PALMD: variants seen among roughly 807,000 people sequenced by gnomAD.
PALMD encodes paralemmin-like protein.
A neutral mutation model predicts 56.2 loss-of-function variants in PALMD; 42 were observed. That is an observed-to-expected ratio of 0.75 (90% CI 0.58 to 0.97). The LOEUF (loss-of-function observed/expected upper bound fraction) is 0.97. Among genes scored for constraint, PALMD ranks in the 50% least tolerant of loss-of-function variants. The pLI is 0.00. For missense variants in PALMD, 660 were observed against 643.8 expected (o/e 1.03, Z -0.27); for synonymous variants, 242 against 222.9 (o/e 1.09, Z -0.76).
intron 3 of PALMD, among the ~76,000 whole-genome samples, chr1:99,681,605 G>T (rs577722104): frequency 2.0e-5 from 3 of 152,052 alleles, no homozygotes; most frequent in Admixed American, 2.0e-4. Context: ...TACCTATCAA[G>T]AACTTACACT....
At chr1:99,663,449 C>CAAGTTGT (rs1652898433) in intron 2 of PALMD, among the ~76,000 whole-genome samples, 1 of 151,944 alleles carries the variant, frequency 6.6e-6, no homozygotes, top group African/African-American at 2.4e-5. Context: ...AAAAAAGTTC[C>CAAGTTGT]AAGTTGTTCC....
chr1:99,671,437 G>T (rs1571067492), intron 3 of PALMD, among the ~76,000 whole-genome samples: 1 of 152,256 alleles, frequency 6.6e-6, no homozygotes, highest in East Asian at 1.9e-4. Flanking sequence ...CCACTTCACA[G>T]GACTGCTGTG....
intron 2 of PALMD, among the ~76,000 whole-genome samples, chr1:99,665,095 C>A (rs560676969): frequency 6.6e-6 from 1 of 152,082 alleles, no homozygotes; most frequent in Admixed American, 6.6e-5. Context: ...CCAGGAAACA[C>A]AAAATACAGT....
intron 1 of PALMD, among the ~76,000 whole-genome samples, chr1:99,650,023 A>G (rs1571056988): frequency 6.6e-6 from 1 of 152,134 alleles, no homozygotes; most frequent in Non-Finnish European, 1.5e-5. Context: ...GAAGTGAAAT[A>G]AGGGGAGTCT....
At chr1:99,660,789 G>A (rs1652829929) in intron 1 of PALMD, among the ~76,000 whole-genome samples, 1 of 152,196 alleles carries the variant, frequency 6.6e-6, no homozygotes, top group African/African-American at 2.4e-5. Context: ...AGGAAGCTAA[G>A]GCAGGAGGAT....
Position 99,688,756 on chromosome 1 carries a change from C to T in PALMD, c.515-19C>T, listed in dbSNP as rs368703189. 1.1e-5 allele frequency: 17 copies of T among 1,519,144 alleles called. No individual in the cohort carries two copies. Among genetic ancestry groups the T allele is most frequent in the Non-Finnish European group, 1.1e-5 (12 of 1,127,486 alleles). The allele number at this position is 1,519,144 out of a possible 1,614,324, so 94.1% of individuals were successfully genotyped here. On this transcript the variant is annotated intron_variant, in intron 6 of 7. Coordinates refer to ENST00000263174, the MANE Select transcript of PALMD (RefSeq NM_017734.5). ...AAGAAAAGTTAACTAAATCAAAGAT[C>T]AAATTTGTTTCTTAACAGCTTTATA...
intron 2 of PALMD, among the ~76,000 whole-genome samples, chr1:99,666,243 G>GT (rs3835489): frequency 8.2e-4 from 120 of 147,150 alleles, no homozygotes; most frequent in African/African-American, 1.7e-3. Flanking sequence ...TGTTATATTG[G>GT]TTTTTTTTTT....
chr1:99,683,028 G>GA (rs560726175), intron 3 of PALMD, among the ~76,000 whole-genome samples: 26 of 11,464 alleles, frequency 2.3e-3, no homozygotes, highest in Non-Finnish European at 3.1e-3. Flanking sequence ...AGGAAAGAAA[G>GA]AAAGAAAGAA....
At chr1:99,677,577 A>G (rs1306964475) in intron 3 of PALMD, among the ~76,000 whole-genome samples, 1 of 152,184 alleles carries the variant, frequency 6.6e-6, no homozygotes, top group Non-Finnish European at 1.5e-5. Context: ...GGAAGGGAAG[A>G]TAAATGGAGG....
intron 1 of PALMD, among the ~76,000 whole-genome samples, chr1:99,653,411 G>GA (rs532852358): frequency 1.3e-5 from 2 of 151,838 alleles, no homozygotes; most frequent in Non-Finnish European, 2.9e-5. Context: ...GTAGACAAAG[G>GA]AAAAAAAGAG....
chr1:99,679,548 A>G (rs895559793), intron 3 of PALMD, among the ~76,000 whole-genome samples: 8 of 152,196 alleles, frequency 5.3e-5, no homozygotes, highest in Admixed American at 1.3e-4. Flanking sequence ...AACCCTAACG[A>G]AGATTAGGAC....
intron 1 of PALMD, among the ~76,000 whole-genome samples, chr1:99,648,631 C>T (rs1652495093): frequency 6.6e-6 from 1 of 151,614 alleles, no homozygotes; most frequent in Non-Finnish European, 1.5e-5. Context: ...TGCACCCAGA[C>T]ATAGCAACAC....
chr1:99,687,442 C>A (rs1024876862), intron 6 of PALMD, among the ~76,000 whole-genome samples: 7 of 152,110 alleles, frequency 4.6e-5, no homozygotes, highest in Non-Finnish European at 7.4e-5. Flanking sequence ...AGACAAGAAG[C>A]TCTTAAAAGC....
intron 1 of PALMD, among the ~76,000 whole-genome samples, chr1:99,657,936 T>C (rs1481183174): frequency 6.6e-6 from 1 of 152,222 alleles, no homozygotes; most frequent in Non-Finnish European, 1.5e-5. Flanking sequence ...GAACAACCTC[T>C]CCCTGTCTCC....
chr1:99,659,074 C>A (rs1282706297), intron 1 of PALMD, among the ~76,000 whole-genome samples: 1 of 152,046 alleles, frequency 6.6e-6, no homozygotes, highest in African/African-American at 2.4e-5. Flanking sequence ...AATAATCAAA[C>A]AACTCAGGAT....
intron 1 of PALMD, among the ~76,000 whole-genome samples, chr1:99,649,838 G>T (rs542668341): frequency 6.6e-6 from 1 of 152,162 alleles, no homozygotes; most frequent in African/African-American, 2.4e-5. Context: ...CAATTTCAGA[G>T]AACAGACTCA....
In PALMD at chr1:99,694,018, G is replaced by T; in HGVS notation, c.1613-1G>T. 6.3e-7 allele frequency: 1 copy of T among 1,597,138 alleles called. No homozygotes were observed. The highest frequency in any genetic ancestry group is 8.6e-7 in the Non-Finnish European group (1 of 1,168,424). The stretch of plus-strand genomic sequence containing the variant: ...TCTCTTTTTTTTTCTTTAATTTGCA[G>T]CTTTAAGGATGAGAATGGCAAAGCT... On this transcript the variant is annotated splice_acceptor_variant, in intron 7 of 7. Transcript: ENST00000263174. LOFTEE classifies it high-confidence loss of function.
intron 1 of PALMD, among the ~76,000 whole-genome samples, chr1:99,653,349 T>A (rs757572397): frequency 5.9e-5 from 9 of 152,192 alleles, no homozygotes; most frequent in Non-Finnish European, 7.3e-5. Flanking sequence ...GTTTGTTGTT[T>A]AGCCTGGTTT....
intron 1 of PALMD, among the ~76,000 whole-genome samples, chr1:99,659,893 C>A (rs1442694593): frequency 6.6e-6 from 1 of 152,142 alleles, no homozygotes; most frequent in Non-Finnish European, 1.5e-5. Flanking sequence ...CCCTAGCAAC[C>A]CTTGTATAAG....
Sources: allele counts gnomAD v4.1 joint callset (sites outside exome capture counted in the v4.1 genomes callset), GRCh38; gene constraint gnomAD v4.1.1; transcripts MANE v1.5; gene names NCBI Gene and HGNC (gene_info 2026-07-23, HGNC 2026-07-21).